The following GPC6 variants were observed in gnomAD, a reference collection of about 807,000 sequenced individuals.
The protein encoded by GPC6 is glypican 6.
In GPC6, 14 loss-of-function variants were observed where a neutral mutation model predicts 55.2. The observed-to-expected ratio is 0.25, with a 90% CI of 0.17 to 0.40. GPC6 has a LOEUF of 0.40. Among genes scored for constraint, GPC6 ranks in the 10% least tolerant of loss-of-function variants. GPC6 has a pLI of 1.00. For synonymous variants in GPC6, 278 were observed against 259.6 expected (o/e 1.07, Z -0.68); for missense variants, 641 against 708.5 (o/e 0.90, Z 1.08).
intron 1 of GPC6, among the ~76,000 whole-genome samples, chr13:93,289,446 A>G (rs1160563579): frequency 6.6e-6 from 1 of 152,218 alleles, no homozygotes; most frequent in Non-Finnish European, 1.5e-5. Context: ...AAAAAGTGAA[A>G]CAAAAGAGGC....
chr13:93,261,521 A>G (rs1877147607), intron 1 of GPC6, among the ~76,000 whole-genome samples: 1 of 152,180 alleles, frequency 6.6e-6, no homozygotes. Flanking sequence ...TCGAAGGCAT[A>G]AGAAGAATCC....
At chr13:94,011,145 G>T (rs1053431392) in intron 3 of GPC6, among the ~76,000 whole-genome samples, 1 of 152,068 alleles carries the variant, frequency 6.6e-6, no homozygotes, top group African/African-American at 2.4e-5. Flanking sequence ...GGAATTCAGG[G>T]GGGTTTTTCC....
intron 1 of GPC6, among the ~76,000 whole-genome samples, chr13:93,447,247 TTTCTC>T (rs1878041407): frequency 6.6e-6 from 1 of 152,222 alleles, no homozygotes; most frequent in Non-Finnish European, 1.5e-5. Flanking sequence ...TTATATGGAA[TTTCTC>T]TTCTATTAGC....
chr13:93,596,655 C>A (rs1877751290), intron 2 of GPC6, among the ~76,000 whole-genome samples: 3 of 143,666 alleles, frequency 2.1e-5, no homozygotes, highest in African/African-American at 7.6e-5. Flanking sequence ...TGTGTATATG[C>A]ATATATAAGT....
At chr13:93,302,099 A>G (rs1419656677) in intron 1 of GPC6, among the ~76,000 whole-genome samples, 2 of 152,176 alleles carry the variant, frequency 1.3e-5, no homozygotes, top group Non-Finnish European at 2.9e-5. Flanking sequence ...GTGTTAATCA[A>G]AGCTTTATGA....
intron 3 of GPC6, among the ~76,000 whole-genome samples, chr13:93,867,310 A>G (rs1024225695): frequency 1.3e-5 from 2 of 151,718 alleles, no homozygotes; most frequent in African/African-American, 4.8e-5. Context: ...ACGTCTCTCT[A>G]ACATTGAGGT....
intron 2 of GPC6, among the ~76,000 whole-genome samples, chr13:93,804,999 T>G (rs1301923820): frequency 2.6e-5 from 4 of 152,232 alleles, no homozygotes; most frequent in African/African-American, 7.2e-5. Context: ...CAAAAGTTAT[T>G]ACATGTGACA....
chr13:93,715,998 A>G lies in GPC6; in HGVS notation c.320-114156A>G, dbSNP rs192526355. ...GGACTGCATCTACAATGGTGGTACC[A>G]TAAGATTATAAAAGAGCTGAAACTT... is the stretch of plus-strand genomic sequence containing the variant. On this transcript the variant is annotated intron_variant, in intron 2 of 8. Coordinates refer to ENST00000377047, the MANE Select transcript of GPC6 (RefSeq NM_005708.5). Among the ~76,000 whole-genome samples, 363 of 151,780 alleles carry G rather than the reference A, an allele frequency of 2.4e-3. 2 individuals are homozygous for G. Among genetic ancestry groups the G allele is most frequent in the African/African-American group, 8.5e-3 (351 of 41,492 alleles).
intron 1 of GPC6, among the ~76,000 whole-genome samples, chr13:93,381,817 T>C (rs1764516322): frequency 6.6e-6 from 1 of 152,148 alleles, no homozygotes; most frequent in South Asian, 2.1e-4. Flanking sequence ...GCTTCATTCA[T>C]TCTTTCTTCC....
intron 1 of GPC6, among the ~76,000 whole-genome samples, chr13:93,331,275 G>A (rs1879834265): frequency 6.6e-6 from 1 of 152,048 alleles, no homozygotes. Context: ...CATCATTTCT[G>A]TCCTTCGAAA....
chr13:94,256,130 TA>T (rs1891496599), intron 4 of GPC6, among the ~76,000 whole-genome samples: 1 of 152,174 alleles, frequency 6.6e-6, no homozygotes, highest in East Asian at 1.9e-4. Context: ...CTGAAATAAT[TA>T]TCACACTGGA....
chr13:93,771,286 T>A (rs931611648), intron 2 of GPC6, among the ~76,000 whole-genome samples: 1 of 152,170 alleles, frequency 6.6e-6, no homozygotes, highest in African/African-American at 2.4e-5. Flanking sequence ...TGGATCACGC[T>A]TCCTTCCTCG....
chr13:93,689,470 G>A (rs181715965), intron 2 of GPC6, among the ~76,000 whole-genome samples: 25 of 152,142 alleles, frequency 1.6e-4, no homozygotes, highest in Middle Eastern at 3.4e-3. Flanking sequence ...GGGATTAATA[G>A]GAGATTAGGA....
chr13:94,342,245 G>A (rs1878076825), intron 6 of GPC6, among the ~76,000 whole-genome samples: 1 of 152,210 alleles, frequency 6.6e-6, no homozygotes, highest in African/African-American at 2.4e-5. Flanking sequence ...AAAAAGATAT[G>A]TCGAAGTCCT....
At chr13:93,273,518 C>T (rs545102436) in intron 1 of GPC6, among the ~76,000 whole-genome samples, 3 of 151,968 alleles carry the variant, frequency 2.0e-5, no homozygotes, top group African/African-American at 4.8e-5. Flanking sequence ...ATTAGCCGGG[C>T]GTGGTGGTGG....
intron 4 of GPC6, among the ~76,000 whole-genome samples, chr13:94,253,953 C>G (rs1400150865): frequency 6.6e-6 from 1 of 152,036 alleles, no homozygotes; most frequent in African/African-American, 2.4e-5. Flanking sequence ...TGGTAGCACA[C>G]AGATTGATGT....
At chr13:94,150,593 T>C (rs535828) in intron 4 of GPC6, among the ~76,000 whole-genome samples, 138,842 of 151,700 alleles carry the variant, frequency 0.92, 63,593 homozygotes, top group East Asian at 0.98. Context: ...AACATTTTTC[T>C]TTCTCTGCTC....
At chr13:93,674,316 T>C (rs1881491355) in intron 2 of GPC6, among the ~76,000 whole-genome samples, 1 of 152,200 alleles carries the variant, frequency 6.6e-6, no homozygotes, top group South Asian at 2.1e-4. Context: ...TTTGGGACTA[T>C]GTTTTATTGT....
At chr13:93,612,524 C>CACAA (rs1566449491) in intron 2 of GPC6, among the ~76,000 whole-genome samples, 1 of 151,790 alleles carries the variant, frequency 6.6e-6, no homozygotes, top group African/African-American at 2.4e-5. Flanking sequence ...CACACACACA[C>CACAA]ACACACACAC....
Sources: allele counts gnomAD v4.1 joint callset (sites outside exome capture counted in the v4.1 genomes callset), GRCh38; gene constraint gnomAD v4.1.1; transcripts MANE v1.5; gene names NCBI Gene and HGNC (gene_info 2026-07-23, HGNC 2026-07-21).